Variants in CYRIB observed in about 807,000 individuals in gnomAD.
CYRIB encodes CYFIP related Rac1 interactor B.
In CYRIB, 8 loss-of-function variants were observed where a neutral mutation model predicts 44.2. The observed-to-expected ratio is 0.18, with a 90% CI of 0.11 to 0.33. The LOEUF is 0.33. Among genes scored for constraint, CYRIB ranks in the 10% least tolerant of loss-of-function variants. CYRIB has a pLI of 1.00. For missense variants in CYRIB, 185 were observed against 382.8 expected, an observed-to-expected ratio of 0.48 and a Z score of 4.31; for synonymous variants, 131 against 127.2, an observed-to-expected ratio of 1.03 and a Z score of -0.20.
intron 2 of CYRIB, among the ~76,000 whole-genome samples, chr8:129,888,135 G>A (rs887543620): frequency 3.9e-5 from 6 of 152,174 alleles, no homozygotes; most frequent in Non-Finnish European, 7.3e-5. Flanking sequence ...GGAGGAGACT[G>A]GATCATGGGA....
At chr8:129,929,169 CAT>C (rs2089789207) in intron 1 of CYRIB, among the ~76,000 whole-genome samples, 1 of 151,874 alleles carries the variant, frequency 6.6e-6, no homozygotes, top group Non-Finnish European at 1.5e-5. Context: ...AGAAGCCAGA[CAT>C]AAAAGATACT....
chr8:129,895,014 T>G (rs879409802), intron 2 of CYRIB, among the ~76,000 whole-genome samples: 2 of 150,130 alleles, frequency 1.3e-5, no homozygotes, highest in Non-Finnish European at 3.0e-5. Context: ...CACGGCTCAC[T>G]GCGACCTCAA....
intron 1 of CYRIB, among the ~76,000 whole-genome samples, chr8:129,987,671 G>A (rs2096513050): frequency 6.7e-6 from 1 of 150,312 alleles, no homozygotes; most frequent in Non-Finnish European, 1.5e-5. Flanking sequence ...CTAGGTTCAA[G>A]CGATTCTCCT....
chr8:129,841,910 G>A (rs1456654538), exon 12 of CYRIB: 5 of 424,288 alleles, frequency 1.2e-5, no homozygotes, highest in African/African-American at 2.0e-5. Flanking sequence ...TGCATAATTA[G>A]CTGCCTTAGA....
chr8:129,998,692 C>A (rs1207269202), intron 1 of CYRIB, among the ~76,000 whole-genome samples: 1 of 151,340 alleles, frequency 6.6e-6, no homozygotes, highest in East Asian at 1.9e-4. Context: ...AGTGCAGTGG[C>A]ATGATCTCAG....
intron 1 of CYRIB, among the ~76,000 whole-genome samples, chr8:129,910,954 G>C (rs544638916): frequency 2.7e-4 from 41 of 152,242 alleles, no homozygotes; most frequent in Admixed American, 7.2e-4. Context: ...CACCTTGCCC[G>C]GCCTCTCTCC....
chr8:129,902,833 G>C (rs2135766894), intron 2 of CYRIB: 1 of 152,024 alleles, frequency 6.6e-6, no homozygotes, highest in South Asian at 2.1e-4. Flanking sequence ...CCCTTTAACA[G>C]TAACTACCTT....
chr8:129,856,748 T>C (rs1022217311), intron 5 of CYRIB, among the ~76,000 whole-genome samples: 5 of 152,218 alleles, frequency 3.3e-5, no homozygotes, highest in Non-Finnish European at 5.9e-5. Flanking sequence ...ATTTTTACCA[T>C]CAACTATGAC....
chr8:129,908,989 G>T (rs2076782921), intron 1 of CYRIB, among the ~76,000 whole-genome samples: 1 of 151,964 alleles, frequency 6.6e-6, no homozygotes, highest in South Asian at 2.1e-4. Context: ...ATGGAGTCTT[G>T]CTATGTTGAC....
At chr8:129,991,971 A>AAAAAAAAAAAAAAAG (rs994697259) in intron 1 of CYRIB, among the ~76,000 whole-genome samples, 1 of 134,604 alleles carries the variant, frequency 7.4e-6, no homozygotes, top group Non-Finnish European at 1.6e-5. Flanking sequence ...AAAAAAAAAA[A>AAAAAAAAAAAAAAAG]ACAATAGGAA....
intron 2 of CYRIB, among the ~76,000 whole-genome samples, chr8:129,893,806 T>C (rs758364502): frequency 2.6e-5 from 4 of 151,962 alleles, no homozygotes; most frequent in African/African-American, 4.8e-5. Flanking sequence ...GTGCTGAGAT[T>C]ATAGGCATGA....
At chr8:129,854,876 T>TCAA (rs1414358973) in intron 6 of CYRIB, among the ~76,000 whole-genome samples, 1 of 152,158 alleles carries the variant, frequency 6.6e-6, no homozygotes. Context: ...TCTCTTGATA[T>TCAA]GAGACCTAGT....
intron 2 of CYRIB, among the ~76,000 whole-genome samples, chr8:129,881,365 G>A (rs1215617018): frequency 2.0e-5 from 3 of 152,076 alleles, no homozygotes; most frequent in African/African-American, 4.8e-5. Context: ...CAAAGATCCC[G>A]TTGCTGGCAA....
chr8:129,938,351 G>C (rs1173572958), intron 1 of CYRIB, among the ~76,000 whole-genome samples: 1 of 152,092 alleles, frequency 6.6e-6, no homozygotes, highest in African/African-American at 2.4e-5. Flanking sequence ...CCAAACACCC[G>C]AGTGACTGAA....
intron 5 of CYRIB, among the ~76,000 whole-genome samples, chr8:129,857,186 C>T (rs1319788646): frequency 1.3e-5 from 2 of 152,174 alleles, no homozygotes; most frequent in Non-Finnish European, 2.9e-5. Flanking sequence ...GACAGACATG[C>T]TCCCTGTGCC....
chr8:129,951,845 TC>T lies in CYRIB; in HGVS notation c.-243+19097del, dbSNP rs539346232. Among the ~76,000 whole-genome samples the T allele has an allele frequency of 3.4e-3, 518 of 152,346 alleles. 6 individuals are homozygous for T. Among genetic ancestry groups the T allele is most frequent in the African/African-American group, 0.012 (482 of 41,572 alleles). On this transcript the variant is annotated intron_variant, in intron 2 of 14. Transcript: ENST00000401979. ...TCGTTTGTATTATGTTTATTGTCTT[TC>T]TCCATGAACTAGACCTAAGCCCATG... is the stretch of plus-strand genomic sequence containing the variant.
intron 3 of CYRIB, among the ~76,000 whole-genome samples, chr8:129,872,021 C>A (rs2057434239): frequency 6.6e-6 from 1 of 151,866 alleles, no homozygotes; most frequent in Non-Finnish European, 1.5e-5. Flanking sequence ...AGGTGCTCAC[C>A]CCCTTTTCCA....
intron 4 of CYRIB, among the ~76,000 whole-genome samples, chr8:129,868,082 A>C (rs1023587116): frequency 2.0e-5 from 3 of 152,198 alleles, no homozygotes; most frequent in African/African-American, 7.2e-5. Context: ...AAGTCTTATT[A>C]ATTAACACTA....
At chr8:129,884,028 C>T (rs2061773588) in intron 2 of CYRIB, among the ~76,000 whole-genome samples, 1 of 152,180 alleles carries the variant, frequency 6.6e-6, no homozygotes, top group African/African-American at 2.4e-5. Context: ...GGCAGTCTAT[C>T]ACAAGAGAAT....
Sources: gnomAD v4.1 joint callset for allele counts (sites outside exome capture counted in the v4.1 genomes callset) on GRCh38, gnomAD v4.1.1 for gene constraint, MANE v1.5 for transcripts, NCBI Gene and HGNC (gene_info 2026-07-23, HGNC 2026-07-21) for gene names.